MORN5: variants seen among roughly 807,000 people sequenced by gnomAD.
MORN5 encodes the protein MORN repeat containing 5.
MORN5 carries 21 observed loss-of-function variants against 22.1 expected under a neutral mutation model. The observed-to-expected ratio is 0.95, with a 90% CI of 0.67 to 1.37. The LOEUF is 1.37. MORN5 is among the 40% of genes most tolerant of loss of function. The pLI is 0.00. For synonymous variants in MORN5, 73 were observed against 74.0 expected (o/e 0.99, Z 0.07); for missense variants, 211 against 215.1 (o/e 0.98, Z 0.12).
intron 4 of MORN5, among the ~76,000 whole-genome samples, chr9:122,178,847 G>A (rs1829493180): frequency 6.6e-6 from 1 of 152,152 alleles, no homozygotes; most frequent in Non-Finnish European, 1.5e-5. Flanking sequence ...GTACCAAGAG[G>A]TGTCCTGGAG....
chr9:122,171,532 A>G (rs1426636615), intron 3 of MORN5, among the ~76,000 whole-genome samples: 5 of 152,076 alleles, frequency 3.3e-5, no homozygotes, highest in African/African-American at 1.2e-4. Flanking sequence ...TAAGCCTTCA[A>G]CTACCATCAG....
At chr9:122,169,968 G>A (rs1269889576) in intron 3 of MORN5, among the ~76,000 whole-genome samples, 1 of 152,196 alleles carries the variant, frequency 6.6e-6, no homozygotes, top group East Asian at 1.9e-4. Context: ...ATGGGCAAGG[G>A]ACTTTACCCA....
chr9:122,161,730 A>G (rs1453490480), intron 1 of MORN5, among the ~76,000 whole-genome samples: 10 of 152,224 alleles, frequency 6.6e-5, no homozygotes, highest in Non-Finnish European at 1.5e-4. Context: ...TGGGCTGTAT[A>G]TGGGTGAGAG....
intron 4 of MORN5, among the ~76,000 whole-genome samples, chr9:122,190,471 T>C (rs149177457): frequency 6.6e-6 from 1 of 152,408 alleles, no homozygotes; most frequent in African/African-American, 2.4e-5. Context: ...ATTGTTTTGA[T>C]TTCTAAATTT....
At chr9:122,168,388 G>A (rs966175756) in intron 2 of MORN5, among the ~76,000 whole-genome samples, 1 of 152,196 alleles carries the variant, frequency 6.6e-6, no homozygotes, top group African/African-American at 2.4e-5. Context: ...AAGTTTCTGT[G>A]TAAAGGGGAC....
intron 1 of MORN5, 29 bp downstream of exon 1, chr9:122,160,048 T>C (rs887360673): frequency 6.3e-6 from 10 of 1,592,196 alleles, no homozygotes; most frequent in Non-Finnish European, 8.6e-6. Context: ...TCACTTACTA[T>C]ACCTTGAATA....
intron 3 of MORN5, among the ~76,000 whole-genome samples, chr9:122,171,213 G>A (rs1002424348): frequency 3.3e-5 from 5 of 152,128 alleles, no homozygotes; most frequent in African/African-American, 1.2e-4. Context: ...GTCAACCTCC[G>A]TCAGGGCAGA....
At chr9:122,196,902 A>G (rs1225726464) in intron 4 of MORN5, among the ~76,000 whole-genome samples, 1 of 152,136 alleles carries the variant, frequency 6.6e-6, no homozygotes, top group Non-Finnish European at 1.5e-5. Flanking sequence ...ACTTCCTAAC[A>G]ATTATTTTCA....
At chr9:122,167,056 C>CTTTTTT in intron 2 of MORN5, 141 bp downstream of exon 2, 3 of 445,880 alleles carry the variant, frequency 6.7e-6, no homozygotes, top group Non-Finnish European at 1.1e-5. Context: ...ACTCCCCCCA[C>CTTTTTT]TTTTTTTTTT....
chr9:122,170,114 A>G (rs1829344523), intron 3 of MORN5, among the ~76,000 whole-genome samples: 1 of 152,120 alleles, frequency 6.6e-6, no homozygotes, highest in Non-Finnish European at 1.5e-5. Context: ...CCTGGCCAAC[A>G]TGGTGAAACC....
At chr9:122,190,898 C>A (rs1241188064) in intron 4 of MORN5, among the ~76,000 whole-genome samples, 1 of 152,284 alleles carries the variant, frequency 6.6e-6, no homozygotes, top group Non-Finnish European at 1.5e-5. Context: ...GCTGCATTTG[C>A]ACAGAGGGTG....
intron 1 of MORN5, 24 bp from the exon 2 acceptor site, chr9:122,166,744 A>G (rs751212756): frequency 1.2e-6 from 2 of 1,606,126 alleles, no homozygotes; most frequent in Non-Finnish European, 1.7e-6. Context: ...CACAGGGCTC[A>G]GTGATTTCCC....
At chr9:122,176,034 C>T (rs1380128531) in intron 4 of MORN5, among the ~76,000 whole-genome samples, 7 of 149,574 alleles carry the variant, frequency 4.7e-5, no homozygotes, top group African/African-American at 1.2e-4. Context: ...AGGAGAATGG[C>T]GTGAACCCGG....
At chr9:122,190,826 T>A (rs1431503407) in intron 4 of MORN5, among the ~76,000 whole-genome samples, 1 of 152,284 alleles carries the variant, frequency 6.6e-6, no homozygotes, top group Admixed American at 6.5e-5. Flanking sequence ...GTGATGGGGA[T>A]GCCTGGGCAT....
At chr9:122,191,919 G>A (rs559634049) in intron 4 of MORN5, among the ~76,000 whole-genome samples, 1 of 152,312 alleles carries the variant, frequency 6.6e-6, no homozygotes, top group Non-Finnish European at 1.5e-5. Flanking sequence ...TGTCCTGAGC[G>A]AGTCCCTTAA....
chr9:122,161,717 C>T (rs898298071), intron 1 of MORN5, among the ~76,000 whole-genome samples: 2 of 152,166 alleles, frequency 1.3e-5, no homozygotes, highest in Non-Finnish European at 2.9e-5. Context: ...CATTAATTTT[C>T]GATGGGCTGT....
In MORN5 at chr9:122,197,248, G is replaced by C. The variant is rs1033202145; in HGVS notation, c.440-2637G>C. ...TTTACAATTGATTAAAGAGTTTGTG[G>C]GGTGTTTTTCCCCCATCTTTTTTCT... On this transcript the variant is annotated intron_variant, in intron 4 of 4. Coordinates refer to ENST00000373764, the MANE Select transcript of MORN5 (RefSeq NM_198469.4). The surrounding 1 kb of genome is among the most constrained non-coding windows in gnomAD (Gnocchi z 5.7). 6.8e-6 allele frequency among the ~76,000 whole-genome samples: 1 copy of C among 146,236 alleles called. No homozygotes were observed. The highest frequency in any genetic ancestry group is 2.7e-5 in the African/African-American group (1 of 36,978).
intron 4 of MORN5, among the ~76,000 whole-genome samples, chr9:122,198,185 G>T (rs180769767): frequency 2.2e-4 from 33 of 152,318 alleles, no homozygotes; most frequent in Admixed American, 4.6e-4. Flanking sequence ...CACAGTGTCT[G>T]CAAAGCACCA....
chr9:122,174,436 G>A, intron 3 of MORN5, 60 bp from the exon 4 acceptor site: 2 of 1,593,430 alleles, frequency 1.3e-6, no homozygotes, highest in South Asian at 1.1e-5. Context: ...GACCTTATGG[G>A]AACACTGGGT....
Sources: allele counts gnomAD v4.1 joint callset (sites outside exome capture counted in the v4.1 genomes callset), GRCh38; gene constraint gnomAD v4.1.1; non-coding constraint Gnocchi (gnomAD v3.1); transcripts MANE v1.5; gene names NCBI Gene and HGNC (gene_info 2026-07-23, HGNC 2026-07-21).